GCNT2: variants seen among roughly 807,000 people sequenced by gnomAD.
The protein encoded by GCNT2 is glucosaminyl (N-acetyl) transferase 2 (I blood group), also known as N-acetyllactosaminide beta-1,6-N-acetylglucosaminyl-transferase.
In GCNT2, 34 loss-of-function variants were observed where a neutral mutation model predicts 34.2. The observed-to-expected ratio is 1.00, with a 90% CI of 0.76 to 1.32. GCNT2 has a LOEUF of 1.32. Ranked by LOEUF, GCNT2 falls within the 40% of genes most tolerant of loss-of-function variation. The probability of loss-of-function intolerance (pLI) is 0.00; values close to 1 mark genes in which losing one functional copy is unlikely to be tolerated. For missense variants in GCNT2, 584 were observed against 489.4 expected, an observed-to-expected ratio of 1.19 and a Z score of -1.82; for synonymous variants, 212 against 188.0, an observed-to-expected ratio of 1.13 and a Z score of -1.04.
intron 2 of GCNT2, among the ~76,000 whole-genome samples, chr6:10,527,922 CCT>C (rs1304614576): frequency 1.3e-5 from 2 of 152,038 alleles, no homozygotes; most frequent in African/African-American, 4.8e-5. Context: ...GACATAAGAG[CCT>C]CTCTCCTAAA....
At chr6:10,585,707 G>A in intron 3 of GCNT2, 2 of 1,226,716 alleles carry the variant, frequency 1.6e-6, no homozygotes, top group Non-Finnish European at 2.1e-6. Context: ...GGCTGGACTG[G>A]GCTGGGCTTA....
At chr6:10,534,141 CTT>C (rs1224219034) in intron 3 of GCNT2, among the ~76,000 whole-genome samples, 8 of 120,244 alleles carry the variant, frequency 6.7e-5, no homozygotes, top group Admixed American at 9.3e-5. Context: ...CCATGCTGCT[CTT>C]TTTTTTTTTT....
At chr6:10,612,992 A>C (rs1765624194) in intron 3 of GCNT2, among the ~76,000 whole-genome samples, 1 of 152,234 alleles carries the variant, frequency 6.6e-6, no homozygotes. Flanking sequence ...GAATTGTGAG[A>C]AAGCCCTTTC....
At chr6:10,617,966 G>A (rs1765866842) in intron 3 of GCNT2, among the ~76,000 whole-genome samples, 1 of 151,150 alleles carries the variant, frequency 6.6e-6, no homozygotes, top group African/African-American at 2.4e-5. Context: ...CGTTGGACAG[G>A]CTGGTCTTGA....
At chr6:10,569,275 C>CACACACCCA (rs1491437125) in intron 3 of GCNT2, among the ~76,000 whole-genome samples, 2 of 101,332 alleles carry the variant, frequency 2.0e-5, no homozygotes, top group Non-Finnish European at 4.0e-5. Flanking sequence ...ACACACACAC[C>CACACACCCA]CCCTAGGTAA....
intron 3 of GCNT2, chr6:10,586,918 G>T: frequency 6.2e-7 from 1 of 1,602,238 alleles, no homozygotes. Context: ...GTTTCAGGTA[G>T]GTACTAATTT....
chr6:10,556,667 A>T (rs754215089), intron 3 of GCNT2: 2 of 1,614,082 alleles, frequency 1.2e-6, no homozygotes, highest in African/African-American at 2.7e-5. Flanking sequence ...GAGCCACTAC[A>T]TCACAGCCCC....
rs1383755128 is a variant in GCNT2, at chr6:10,586,187, A to G, written c.926-35164A>G. ...TCTTTTTGTGGGAAAATATATTACC[A>G]TCACCTTTGCGAAGTGTCCCTTGCA... On this transcript the variant is annotated intron_variant, in intron 3 of 4. Transcript: ENST00000495262. 4.3e-6 allele frequency: 7 copies of G among 1,614,008 alleles called. No homozygotes were observed. In the African/African-American group the frequency reaches 5.3e-5, roughly 12 times the overall value.
chr6:10,593,705 TATCAAAGCTATATATAATTG>T (rs1454446991), intron 3 of GCNT2, among the ~76,000 whole-genome samples: 1 of 152,238 alleles, frequency 6.6e-6, no homozygotes, highest in Non-Finnish European at 1.5e-5. Context: ...ATTAGTGGTA[TATCAAAGCTATATATAATTG>T]ATATATGTAT....
chr6:10,579,126 A>T (rs1328576275), intron 3 of GCNT2, among the ~76,000 whole-genome samples: 2 of 152,028 alleles, frequency 1.3e-5, no homozygotes, highest in African/African-American at 2.4e-5. Context: ...CTGCTTTGTG[A>T]TTGTCATGTA....
chr6:10,574,158 G>A (rs1375223614), intron 3 of GCNT2, among the ~76,000 whole-genome samples: 8 of 152,182 alleles, frequency 5.3e-5, no homozygotes, highest in Admixed American at 4.6e-4. Context: ...ACGGGGGCAC[G>A]CAGAGGGGCT....
chr6:10,521,379 C>G lies in GCNT2; in HGVS notation c.-507C>G, dbSNP rs970273196. 1 of 152,984 alleles carries G rather than the reference C, an allele frequency of 6.5e-6. No homozygotes were observed. Among genetic ancestry groups the G allele is most frequent in the Non-Finnish European group, 1.5e-5 (1 of 68,088 alleles). 9.5% of individuals were successfully genotyped at this position (152,984 alleles called of 1,614,324 possible). On this transcript the variant is annotated 5_prime_UTR_variant, in exon 1 of 5. Coordinates refer to ENST00000495262, the MANE Select transcript of GCNT2 (RefSeq NM_145649.5). ...CAGGCTTACTGTGTTCACTGCTGGA[C>G]GCCTCTGGGCAATCTTACCCTCCTG...
intron 3 of GCNT2, among the ~76,000 whole-genome samples, chr6:10,617,361 G>T (rs578082392): frequency 3.3e-5 from 5 of 152,302 alleles, no homozygotes; most frequent in African/African-American, 1.2e-4. Context: ...TGGCCGGCAA[G>T]CGCTGCGCGC....
intron 3 of GCNT2, among the ~76,000 whole-genome samples, chr6:10,613,749 T>A (rs1293949354): frequency 6.6e-6 from 1 of 152,214 alleles, no homozygotes; most frequent in Non-Finnish European, 1.5e-5. Flanking sequence ...ATACAGTGTT[T>A]TTTCTGTGGG....
chr6:10,531,706 T>C (rs538930423), intron 3 of GCNT2, among the ~76,000 whole-genome samples: 1 of 152,248 alleles, frequency 6.6e-6, no homozygotes, highest in East Asian at 1.9e-4. Context: ...CAGAGCTGTT[T>C]AAATAGAATT....
chr6:10,529,034 T>C lies in GCNT2; in HGVS notation c.123T>C (p.Asn41=). Residue 41 remains asparagine (N), a synonymous_variant, in exon 3 of 5, where the codon AAT becomes AAC. Coordinates refer to ENST00000495262, the MANE Select transcript of GCNT2 (RefSeq NM_145649.5). ...NKRFLRAALS[N]ASLLAEACHQ... ...GTTTTCTGAGGGCAGCTCTGTCCAA[T>C]GCTTCACTGTTAGCAGAAGCCTGTC... 6.2e-7 allele frequency: 1 copy of C among 1,614,152 alleles called. No homozygotes were observed. The highest frequency in any genetic ancestry group is 1.3e-5 in the African/African-American group (1 of 75,062).
intron 3 of GCNT2, among the ~76,000 whole-genome samples, chr6:10,545,803 G>A (rs1762241320): frequency 6.6e-6 from 1 of 152,096 alleles, no homozygotes; most frequent in Non-Finnish European, 1.5e-5. Flanking sequence ...TCAGCTCCCA[G>A]GCAATACAAG....
rs1761377205 is a variant in GCNT2, at chr6:10,529,596, A to T, written c.685A>T (p.Thr229Ser). 1.2e-6 allele frequency: 2 copies of T among 1,614,162 alleles called. No individual in the cohort carries two copies. Among genetic ancestry groups the T allele is most frequent in the South Asian group, 2.2e-5 (2 of 91,072 alleles). Reference protein sequence around the residue: ...VLPPDHAVGRTKYVHQELLNH... With the variant: ...VLPPDHAVGRSKYVHQELLNH... ...GCCTCCTGACCACGCTGTTGGACGGACTAAATACGTCCACCAAGAACTGTT... is the reference window on the plus strand; with the variant it reads ...GCCTCCTGACCACGCTGTTGGACGGTCTAAATACGTCCACCAAGAACTGTT... Residue 229 changes from threonine to serine, a missense_variant, in exon 3 of 5, where the codon ACT becomes TCT. Transcript: ENST00000495262.
intron 3 of GCNT2, chr6:10,585,909 G>A: frequency 6.3e-7 from 1 of 1,594,434 alleles, no homozygotes. Flanking sequence ...AGACTGGCAA[G>A]AGAAGCAAAT....
Sources: allele counts gnomAD v4.1 joint callset (sites outside exome capture counted in the v4.1 genomes callset), GRCh38; gene constraint gnomAD v4.1.1; transcripts MANE v1.5; gene names NCBI Gene and HGNC (gene_info 2026-07-23, HGNC 2026-07-21).